ADGRV1: variants seen among roughly 807,000 people sequenced by gnomAD.
ADGRV1 encodes adhesion G protein-coupled receptor V1.
Under a neutral mutation model 596.2 loss-of-function variants are expected in ADGRV1, and 359 were observed. That is an observed-to-expected ratio of 0.60 (90% CI 0.55 to 0.66). The LOEUF (loss-of-function observed/expected upper bound fraction) is 0.66, where lower values mean the gene tolerates loss of function less well. Among genes scored for constraint, ADGRV1 ranks in the 30% least tolerant of loss-of-function variants. The pLI is 0.00. For synonymous variants in ADGRV1, 2,681 were observed against 2,679.2 expected, an observed-to-expected ratio of 1.00 and a Z score of -0.02; for missense variants, 7,274 against 7,575.6, an observed-to-expected ratio of 0.96 and a Z score of 1.48.
chr5:90,750,015 A>G (rs1341319099), intron 52 of ADGRV1, among the ~76,000 whole-genome samples: 2 of 152,184 alleles, frequency 1.3e-5, no homozygotes, highest in Non-Finnish European at 2.9e-5. Context: ...AATAAGAGAC[A>G]TTTGCCAGTG....
chr5:90,850,087 C>G (rs374477525), intron 79 of ADGRV1, among the ~76,000 whole-genome samples: 2 of 152,094 alleles, frequency 1.3e-5, no homozygotes, highest in African/African-American at 4.8e-5. Flanking sequence ...GGACTCAACC[C>G]CAGACTTACT....
At chr5:90,639,859 T>A (rs1766739320) in intron 11 of ADGRV1, among the ~76,000 whole-genome samples, 1 of 152,164 alleles carries the variant, frequency 6.6e-6, no homozygotes, top group Admixed American at 6.5e-5. Flanking sequence ...ATAGCAAGCA[T>A]GATTACAATA....
At chr5:91,017,124 T>C (rs1783238144) in intron 85 of ADGRV1, among the ~76,000 whole-genome samples, 1 of 151,958 alleles carries the variant, frequency 6.6e-6, no homozygotes, top group African/African-American at 2.4e-5. Context: ...TGGATATATG[T>C]GACTCATGAA....
intron 57 of ADGRV1, among the ~76,000 whole-genome samples, chr5:90,757,800 A>G (rs993152026): frequency 1.3e-5 from 2 of 152,222 alleles, no homozygotes; most frequent in African/African-American, 4.8e-5. Context: ...TTTTATCAGT[A>G]AGTGGAAAAG....
intron 87 of ADGRV1, among the ~76,000 whole-genome samples, chr5:91,122,060 G>A (rs1282876948): frequency 6.6e-6 from 1 of 151,962 alleles, no homozygotes; most frequent in Non-Finnish European, 1.5e-5. Flanking sequence ...ATGTTTTGGT[G>A]GCTCTGAAAC....
At chr5:90,644,066 T>C (rs1011842308) in intron 14 of ADGRV1, 83 bp downstream of exon 14, 1 of 961,850 alleles carries the variant, frequency 1.0e-6, no homozygotes, top group African/African-American at 1.7e-5. Flanking sequence ...TAGTAACTAG[T>C]TATTTCTAGT....
At chr5:91,090,459 T>C (rs1790290626) in intron 86 of ADGRV1, among the ~76,000 whole-genome samples, 2 of 152,112 alleles carry the variant, frequency 1.3e-5, no homozygotes, top group Non-Finnish European at 2.9e-5. Flanking sequence ...GACCTGACAC[T>C]GGACTGTCTT....
chr5:90,861,802 G>A (rs1767606726), intron 82 of ADGRV1, among the ~76,000 whole-genome samples: 2 of 152,110 alleles, frequency 1.3e-5, no homozygotes, highest in African/African-American at 2.4e-5. Flanking sequence ...AGTATATAGT[G>A]TCTTAGAAAC....
At chr5:91,009,725 A>G (rs969274586) in intron 85 of ADGRV1, among the ~76,000 whole-genome samples, 2 of 152,206 alleles carry the variant, frequency 1.3e-5, no homozygotes, top group South Asian at 2.1e-4. Flanking sequence ...TAGTCATGTC[A>G]TGAACCAAAG....
intron 9 of ADGRV1, among the ~76,000 whole-genome samples, chr5:90,633,609 T>C (rs1580528146): frequency 6.6e-6 from 1 of 151,940 alleles, no homozygotes; most frequent in East Asian, 1.9e-4. Context: ...TTTTGTAAGA[T>C]AAATAAATAT....
intron 59 of ADGRV1, among the ~76,000 whole-genome samples, chr5:90,763,970 T>G (rs1401624403): frequency 6.6e-6 from 1 of 152,194 alleles, no homozygotes; most frequent in African/African-American, 2.4e-5. Flanking sequence ...CTATTGGGAA[T>G]AGGTTGACTG....
chr5:91,131,179 T>C (rs1396990812), intron 87 of ADGRV1, among the ~76,000 whole-genome samples: 2 of 152,256 alleles, frequency 1.3e-5, no homozygotes, highest in African/African-American at 4.8e-5. Context: ...TTTTTGGTTA[T>C]TTGAGAAATC....
At position 90,685,842 on chromosome 5, in the gene ADGRV1, A is replaced by AAGGTAGAAACT; in HGVS notation, c.6338_6339insGGTAGAAACTA (p.Asn2113LysfsTer32). On this transcript the variant is annotated frameshift_variant, in exon 29 of 90. Coordinates refer to ENST00000405460, the MANE Select transcript of ADGRV1 (RefSeq NM_032119.4). LOFTEE classifies it high-confidence loss of function. ...TATTGCGCAACTAATTATCATTGCC[A>AAGGTAGAAACT]ATGATGATGCATTTGGAACTCTTCA... is the stretch of plus-strand genomic sequence containing the variant. The AAGGTAGAAACT allele has an allele frequency of 6.2e-7, 1 of 1,612,448 alleles. No individual in the cohort carries two copies. Among genetic ancestry groups the AAGGTAGAAACT allele is most frequent in the Non-Finnish European group, 8.5e-7 (1 of 1,178,940 alleles).
intron 83 of ADGRV1, among the ~76,000 whole-genome samples, chr5:90,911,787 T>C (rs1165882804): frequency 6.6e-6 from 1 of 152,184 alleles, no homozygotes; most frequent in East Asian, 1.9e-4. Context: ...GCTTTTGGAA[T>C]CAGAAACAAT....
At chr5:91,133,406 G>A (rs1456657292) in intron 87 of ADGRV1, among the ~76,000 whole-genome samples, 2 of 152,210 alleles carry the variant, frequency 1.3e-5, no homozygotes, top group East Asian at 3.8e-4. Flanking sequence ...GCCACCTCTA[G>A]TACTCACATC....
intron 85 of ADGRV1, chr5:91,031,354 C>G: frequency 6.4e-6 from 8 of 1,240,336 alleles, no homozygotes; most frequent in Non-Finnish European, 8.3e-6. Context: ...CAATCTATCT[C>G]ATCCGCTGAC....
At chr5:90,633,210 T>A (rs1306230987) in intron 9 of ADGRV1, among the ~76,000 whole-genome samples, 1 of 152,188 alleles carries the variant, frequency 6.6e-6, no homozygotes, top group Non-Finnish European at 1.5e-5. Flanking sequence ...AAAAAAAGGC[T>A]TATAGGCTAG....
At chr5:90,657,841 C>T in intron 20 of ADGRV1, 64 bp from the exon 21 acceptor site, 4 of 1,440,498 alleles carry the variant, frequency 2.8e-6, no homozygotes, top group Non-Finnish European at 2.8e-6. Flanking sequence ...TTCTGAATCA[C>T]ACGTAAAATT....
At chr5:91,068,547 A>G (rs1358594090) in intron 85 of ADGRV1, among the ~76,000 whole-genome samples, 1 of 150,460 alleles carries the variant, frequency 6.6e-6, no homozygotes, top group Non-Finnish European at 1.5e-5. Context: ...GGCACTCACA[A>G]AAAAAAAATA....
Sources: gnomAD v4.1 joint callset for allele counts (sites outside exome capture counted in the v4.1 genomes callset) on GRCh38, gnomAD v4.1.1 for gene constraint, MANE v1.5 for transcripts, NCBI Gene and HGNC (gene_info 2026-07-23, HGNC 2026-07-21) for gene names.